Variants in AGAP1 observed in about 807,000 individuals in gnomAD.
AGAP1 encodes ArfGAP with GTPase domain, ankyrin repeat and PH domain 1, also known as arf-GAP with GTPase, ANK repeat and PH domain-containing protein 1.
In AGAP1, 29 loss-of-function variants were observed where a neutral mutation model predicts 105.3. That is an observed-to-expected ratio of 0.28 (90% confidence interval 0.21 to 0.38). The LOEUF (loss-of-function observed/expected upper bound fraction) is 0.38, where lower values mean the gene tolerates loss of function less well. AGAP1 is among the 10% of genes least tolerant of loss of function. The pLI, the probability that AGAP1 is intolerant of heterozygous loss-of-function variation, is 1.00. For synonymous variants in AGAP1, 509 were observed against 485.9 expected (o/e 1.05, Z -0.63); for missense variants, 998 against 1,165.1 (o/e 0.86, Z 2.09).
rs1419875803 is a variant in AGAP1, at chr2:236,027,688, CAG to C, written c.1646-8870_1646-8869del. Among the ~76,000 whole-genome samples, 3 of 152,140 alleles carry C rather than the reference CAG, an allele frequency of 2.0e-5. No individual in the cohort carries two copies. The highest frequency in any genetic ancestry group is 4.4e-5 in the Non-Finnish European group (3 of 68,016). ...GATGCTGGACCCCGCATTGACGAGACAGAGGGGGCCATCTTGTGCTTCTCCAG... is the reference window on the plus strand; with the variant it reads ...GATGCTGGACCCCGCATTGACGAGACAGGGGGCCATCTTGTGCTTCTCCAG... On this transcript the variant is annotated intron_variant, in intron 13 of 17. Coordinates refer to ENST00000304032, the MANE Select transcript of AGAP1 (RefSeq NM_001037131.3). This position sits in a 1 kb window ranked among gnomAD's most constrained non-coding sequence, Gnocchi z 4.4.
Position 235,879,183 on chromosome 2 carries a change from A to G in AGAP1, c.1051-4162A>G, listed in dbSNP as rs2049889366. Among the ~76,000 whole-genome samples the G allele has an allele frequency of 2.0e-5, 3 of 152,188 alleles. No homozygotes were observed. In the South Asian group the frequency reaches 6.2e-4, roughly 32 times the overall value. ...CTTTCAGGGAGCCATGGCTTCCATA[A>G]CTTCGCTGCCCCTGACTTGTTCCTT... On this transcript the variant is annotated intron_variant, in intron 9 of 17. Transcript: ENST00000304032. The surrounding 1 kb of genome is among the most constrained non-coding windows in gnomAD (Gnocchi z 5.0).
intron 7 of AGAP1, among the ~76,000 whole-genome samples, chr2:235,798,813 A>G (rs1385934740): frequency 2.1e-5 from 3 of 145,660 alleles, no homozygotes; most frequent in African/African-American, 7.6e-5. Flanking sequence ...GCTAGGCTGC[A>G]GTGAGTGTGA....
Position 236,040,514 on chromosome 2 carries a change from T to C in AGAP1, c.1801-237T>C. 1 of 528,048 alleles carries C rather than the reference T, an allele frequency of 1.9e-6. No individual in the cohort carries two copies. The highest frequency in any genetic ancestry group is 3.4e-6 in the Non-Finnish European group (1 of 293,678). 32.7% of individuals were successfully genotyped at this position (528,048 alleles called of 1,614,324 possible). On this transcript the variant is annotated intron_variant, in intron 14 of 17. Transcript: ENST00000304032. The surrounding 1 kb of genome is among the most constrained non-coding windows in gnomAD (Gnocchi z 5.6). ...TCCTCTTTGCTCATTTCTGGCAGAG[T>C]CCGTCTCAGCTGATGAGTTAAAATG...
At chr2:236,074,433 A>C (rs1188652307) in intron 16 of AGAP1, among the ~76,000 whole-genome samples, 3 of 152,180 alleles carry the variant, frequency 2.0e-5, no homozygotes, top group Non-Finnish European at 4.4e-5. Flanking sequence ...GAAGTTAATG[A>C]GCAGTTTTTA....
rs535008198 is a variant in AGAP1 at position 236,121,684 on chromosome 2, T to G, written c.2370+1237T>G. Among the ~76,000 whole-genome samples, 1 of 152,314 alleles carries G rather than the reference T, an allele frequency of 6.6e-6. No homozygotes were observed. The highest frequency in any genetic ancestry group is 2.4e-5 in the African/African-American group (1 of 41,558). ...AAATCACACAGATACTCCCTTTTGCTCATGAGTCATACATGTGATGTAATG... is the reference window on the plus strand; with the variant it reads ...AAATCACACAGATACTCCCTTTTGCGCATGAGTCATACATGTGATGTAATG... On this transcript the variant is annotated intron_variant, in intron 17 of 17. Coordinates refer to ENST00000304032, the MANE Select transcript of AGAP1 (RefSeq NM_001037131.3). This position sits in a 1 kb window ranked among gnomAD's most constrained non-coding sequence, Gnocchi z 4.9.
At chr2:235,512,434 C>A (rs1262465911) in intron 1 of AGAP1, among the ~76,000 whole-genome samples, 2 of 151,950 alleles carry the variant, frequency 1.3e-5, no homozygotes, top group African/African-American at 4.8e-5. Flanking sequence ...CCCATCTCTA[C>A]GAAAAAACAA....
At chr2:235,722,364 CG>C (rs765889096) in intron 3 of AGAP1, among the ~76,000 whole-genome samples, 3 of 152,148 alleles carry the variant, frequency 2.0e-5, no homozygotes, top group African/African-American at 2.4e-5. Flanking sequence ...TTAATTAGTG[CG>C]TGAATATACT....
chr2:235,911,548 C>T (rs1203661651), intron 11 of AGAP1, among the ~76,000 whole-genome samples: 1 of 152,230 alleles, frequency 6.6e-6, no homozygotes, highest in African/African-American at 2.4e-5. Flanking sequence ...GAGCCAAATG[C>T]CACTGTTGTC....
intron 1 of AGAP1, chr2:235,669,953 G>A (rs1432665908): frequency 5.7e-6 from 1 of 174,544 alleles, no homozygotes; most frequent in Non-Finnish European, 1.2e-5. Context: ...GGTGCCAGGG[G>A]CGCCGTCCCC....
intron 1 of AGAP1, among the ~76,000 whole-genome samples, chr2:235,677,995 G>C (rs1163985009): frequency 3.7e-5 from 5 of 136,970 alleles, no homozygotes; most frequent in Non-Finnish European, 6.1e-5. Context: ...GCAAAGCAGA[G>C]TTTTGGCCTT....
rs1420558720 is a variant in AGAP1, at chr2:236,078,288, T to C, written c.2114+29007T>C. Among the ~76,000 whole-genome samples, 1 of 152,140 alleles carries C rather than the reference T, an allele frequency of 6.6e-6. No homozygotes were observed. The highest frequency in any genetic ancestry group is 1.5e-5 in the Non-Finnish European group (1 of 68,036). ...TGTAGGATTTCATCATCACGAAACC[T>C]GTTTTTTGCTCTTTGGGCTCTCACC... On this transcript the variant is annotated intron_variant, in intron 16 of 17. Transcript: ENST00000304032. This position sits in a 1 kb window ranked among gnomAD's most constrained non-coding sequence, Gnocchi z 5.3.
rs1273120944 is a variant in AGAP1 at position 235,981,448 on chromosome 2, C to T, written c.1645+12825C>T. 1.9e-5 allele frequency among the ~76,000 whole-genome samples: 2 copies of T among 107,888 alleles called. No homozygotes were observed. The highest frequency in any genetic ancestry group is 4.0e-5 in the Non-Finnish European group (2 of 49,988). 70.8% of individuals were successfully genotyped at this position (107,888 alleles called of 152,430 possible). On this transcript the variant is annotated intron_variant, in intron 13 of 17. Coordinates refer to ENST00000304032, the MANE Select transcript of AGAP1 (RefSeq NM_001037131.3). This position sits in a 1 kb window ranked among gnomAD's most constrained non-coding sequence, Gnocchi z 5.5. ...AGAATTTCTAAGTTCATGTTCCATG[C>T]GTACACACACACACACACACACACA...
At chr2:235,776,003 T>G (rs771169302) in intron 6 of AGAP1, among the ~76,000 whole-genome samples, 18 of 152,188 alleles carry the variant, frequency 1.2e-4, no homozygotes, top group Non-Finnish European at 1.9e-4. Flanking sequence ...CTAAGATATT[T>G]TCCTAGTTTA....
chr2:235,728,376 C>T lies in AGAP1; in HGVS notation c.310+10732C>T, dbSNP rs1951764771. On this transcript the variant is annotated intron_variant, in intron 3 of 17. Coordinates refer to ENST00000304032, the MANE Select transcript of AGAP1 (RefSeq NM_001037131.3). The surrounding 1 kb of genome is among the most constrained non-coding windows in gnomAD (Gnocchi z 4.3). ...TAGGCTATATACAGCTGCCAATAAT[C>T]TGCAAAAGATGACAGTTTCATATGA... 6.6e-6 allele frequency among the ~76,000 whole-genome samples: 1 copy of T among 151,378 alleles called. No individual in the cohort carries two copies. Among genetic ancestry groups the T allele is most frequent in the African/African-American group, 2.4e-5 (1 of 40,832 alleles).
intron 1 of AGAP1, among the ~76,000 whole-genome samples, chr2:235,704,654 A>G (rs1259194972): frequency 2.0e-5 from 3 of 152,192 alleles, no homozygotes; most frequent in Non-Finnish European, 4.4e-5. Context: ...CAAAAAAGAA[A>G]TGCCGATTTG....
chr2:235,588,859 C>A (rs1001134595), intron 1 of AGAP1, among the ~76,000 whole-genome samples: 1 of 152,158 alleles, frequency 6.6e-6, no homozygotes, highest in Non-Finnish European at 1.5e-5. Flanking sequence ...CTGACGAGAC[C>A]TTTAAAGAAT....
Position 235,683,628 on chromosome 2 carries a change from A to G in AGAP1, c.164-25551A>G, listed in dbSNP as rs145088491. ...GTGAAGAAGCTCTGGATTGAAAGGT[A>G]TGTGCTGAGGTCAGGAGTCCAGCTT... On this transcript the variant is annotated intron_variant, in intron 1 of 17. Coordinates refer to ENST00000304032, the MANE Select transcript of AGAP1 (RefSeq NM_001037131.3). Among the ~76,000 whole-genome samples the G allele has an allele frequency of 5.5e-4, 84 of 151,880 alleles. 1 individual carries two copies. In the East Asian group the frequency reaches 0.015, roughly 27 times the overall value.
At chr2:235,539,965 G>T (rs545416684) in intron 1 of AGAP1, among the ~76,000 whole-genome samples, 2 of 152,110 alleles carry the variant, frequency 1.3e-5, no homozygotes, top group East Asian at 3.9e-4. Flanking sequence ...CCTGGTCTCC[G>T]TTCAGGCCCA....
In AGAP1 at chr2:236,002,475, T is replaced by G. The variant is rs1210911162; in HGVS notation, c.1645+33852T>G. Among the ~76,000 whole-genome samples, 1 of 152,192 alleles carries G rather than the reference T, an allele frequency of 6.6e-6. No individual in the cohort carries two copies. Among genetic ancestry groups the G allele is most frequent in the Non-Finnish European group, 1.5e-5 (1 of 68,044 alleles). On this transcript the variant is annotated intron_variant, in intron 13 of 17. Coordinates refer to ENST00000304032, the MANE Select transcript of AGAP1 (RefSeq NM_001037131.3). This position sits in a 1 kb window ranked among gnomAD's most constrained non-coding sequence, Gnocchi z 4.3. ...TGTGTTTTCATAAGCGAATCCTGAT[T>G]TTCTGACAAAAGAGACATGAAACAA...
Sources: allele counts gnomAD v4.1 joint callset (sites outside exome capture counted in the v4.1 genomes callset), GRCh38; gene constraint gnomAD v4.1.1; non-coding constraint Gnocchi (gnomAD v3.1); transcripts MANE v1.5; gene names NCBI Gene and HGNC (gene_info 2026-07-23, HGNC 2026-07-21).